Variants in GRIA2 observed in about 807,000 individuals in gnomAD.
GRIA2 encodes the protein glutamate ionotropic receptor AMPA type subunit 2.
GRIA2 carries 14 observed loss-of-function variants against 97.3 expected under a neutral mutation model. That is an observed-to-expected ratio of 0.14 (90% CI 0.10 to 0.23). The LOEUF (loss-of-function observed/expected upper bound fraction) is 0.23. Ranked by LOEUF, GRIA2 falls within the 10% of genes least tolerant of loss-of-function variation. The pLI, the probability that GRIA2 is intolerant of heterozygous loss-of-function variation, is 1.00. For missense variants in GRIA2, 558 were observed against 1,069.8 expected (o/e 0.52, Z 6.67); for synonymous variants, 412 against 387.8 (o/e 1.06, Z -0.73).
At chr4:157,281,535 T>C (rs1732594444) in intron 2 of GRIA2, among the ~76,000 whole-genome samples, 1 of 152,176 alleles carries the variant, frequency 6.6e-6, no homozygotes, top group South Asian at 2.1e-4. Context: ...CAAAGCCATA[T>C]CCAAAAGTTT....
Position 157,303,694 on chromosome 4 carries a change from T to C in GRIA2, c.372T>C (p.Phe124=). Residue 124 remains phenylalanine, a synonymous_variant, in exon 3 of 16, where the codon TTT becomes TTC. Transcript: ENST00000264426. The part of the protein sequence containing the change: ...PSFPTDGTHP[F]VIQMRPDLKG... ...TCCCAACAGATGGCACACATCCATT[T>C]GTCATTCAGATGAGACCCGACCTCA... The C allele has an allele frequency of 6.2e-7, 1 of 1,614,130 alleles. No homozygotes were observed. The highest frequency in any genetic ancestry group is 2.2e-5 in the East Asian group (1 of 44,872).
intron 2 of GRIA2, among the ~76,000 whole-genome samples, chr4:157,255,770 A>G (rs1731213688): frequency 6.6e-6 from 1 of 151,940 alleles, no homozygotes; most frequent in Non-Finnish European, 1.5e-5. Context: ...GACTCAAACA[A>G]CTCAACAACC....
chr4:157,327,380 A>G (rs1443528921), intron 6 of GRIA2, among the ~76,000 whole-genome samples: 1 of 152,152 alleles, frequency 6.6e-6, no homozygotes, highest in Non-Finnish European at 1.5e-5. Flanking sequence ...CCTGACAGAA[A>G]AGCAATGAGT....
intron 3 of GRIA2, among the ~76,000 whole-genome samples, chr4:157,308,550 T>G (rs761067019): frequency 6.6e-6 from 1 of 152,164 alleles, no homozygotes; most frequent in Non-Finnish European, 1.5e-5. Context: ...ACAGTTTTGT[T>G]TTAAGTAATT....
chr4:157,331,803 T>A (rs1245438296), intron 6 of GRIA2, among the ~76,000 whole-genome samples: 1 of 151,564 alleles, frequency 6.6e-6, no homozygotes, highest in South Asian at 2.1e-4. Context: ...AAGACAAAGA[T>A]GAAATTATCA....
At chr4:157,286,080 T>G (rs1025655273) in intron 2 of GRIA2, among the ~76,000 whole-genome samples, 4 of 151,638 alleles carry the variant, frequency 2.6e-5, no homozygotes, top group Non-Finnish European at 5.9e-5. Flanking sequence ...TGTATCAACC[T>G]TTGTAAAAAT....
intron 6 of GRIA2, among the ~76,000 whole-genome samples, chr4:157,327,665 T>A (rs1446465238): frequency 1.3e-5 from 2 of 152,120 alleles, no homozygotes; most frequent in African/African-American, 2.4e-5. Flanking sequence ...TGTTCAACTT[T>A]TGTGTCTTCA....
intron 12 of GRIA2, among the ~76,000 whole-genome samples, chr4:157,354,694 T>C (rs556164873): frequency 6.6e-6 from 1 of 152,252 alleles, no homozygotes; most frequent in Non-Finnish European, 1.5e-5. Context: ...AACTACCAGT[T>C]ATAGCAGCAA....
At chr4:157,294,118 T>A (rs1437544244) in intron 2 of GRIA2, among the ~76,000 whole-genome samples, 1 of 151,824 alleles carries the variant, frequency 6.6e-6, no homozygotes, top group Non-Finnish European at 1.5e-5. Context: ...CAGAACCTCT[T>A]TGAGTCATTC....
At chr4:157,336,820 C>T (rs1735307692) in intron 11 of GRIA2, 73 bp downstream of exon 11, 1 of 1,431,400 alleles carries the variant, frequency 7.0e-7, no homozygotes, top group Non-Finnish European at 9.5e-7. Context: ...TATGGATTCA[C>T]CCTAAAGAAG....
At chr4:157,316,860 C>T (rs1053520777) in intron 4 of GRIA2, among the ~76,000 whole-genome samples, 1 of 152,156 alleles carries the variant, frequency 6.6e-6, no homozygotes, top group African/African-American at 2.4e-5. Flanking sequence ...GTCCCTGTAC[C>T]AGGACTAAAG....
At chr4:157,335,002 C>A (rs541330776) in intron 9 of GRIA2, 2 of 152,294 alleles carry the variant, frequency 1.3e-5, no homozygotes, top group African/African-American at 4.8e-5. Context: ...TCCTCAGTGC[C>A]ACTTTCCAAT....
At chr4:157,256,237 T>TA (rs1244856257) in intron 2 of GRIA2, among the ~76,000 whole-genome samples, 1 of 92,876 alleles carries the variant, frequency 1.1e-5, no homozygotes, top group Non-Finnish European at 2.3e-5. Flanking sequence ...ATATATAATA[T>TA]ATATATATAA....
intron 2 of GRIA2, among the ~76,000 whole-genome samples, chr4:157,231,586 G>C (rs913872642): frequency 6.6e-6 from 1 of 152,072 alleles, no homozygotes; most frequent in Non-Finnish European, 1.5e-5. Context: ...TGACTGAAAA[G>C]GTTTGAAAAA....
intron 2 of GRIA2, among the ~76,000 whole-genome samples, chr4:157,226,569 T>C (rs1457656201): frequency 6.6e-6 from 1 of 152,162 alleles, no homozygotes; most frequent in Non-Finnish European, 1.5e-5. Flanking sequence ...TATTAAATTT[T>C]AGTCACAAAT....
intron 12 of GRIA2, among the ~76,000 whole-genome samples, chr4:157,355,859 G>A (rs1327743067): frequency 2.9e-5 from 2 of 68,060 alleles, no homozygotes; most frequent in Non-Finnish European, 2.7e-5. Flanking sequence ...TTATATATAT[G>A]TATATATTAA....
intron 2 of GRIA2, among the ~76,000 whole-genome samples, chr4:157,238,257 A>G (rs1253588622): frequency 6.6e-6 from 1 of 152,148 alleles, no homozygotes; most frequent in Non-Finnish European, 1.5e-5. Context: ...TGCATGTCAT[A>G]AACTGTGTAT....
intron 3 of GRIA2, among the ~76,000 whole-genome samples, chr4:157,307,915 G>A (rs1184413491): frequency 6.6e-6 from 1 of 152,152 alleles, no homozygotes; most frequent in Non-Finnish European, 1.5e-5. Flanking sequence ...GAGCTGATGA[G>A]GGAAATATAT....
intron 12 of GRIA2, among the ~76,000 whole-genome samples, chr4:157,351,104 C>G (rs1422574705): frequency 6.6e-6 from 1 of 151,900 alleles, no homozygotes; most frequent in Non-Finnish European, 1.5e-5. Flanking sequence ...AGTGGTATAA[C>G]AACAGCTTCT....
Sources: gnomAD v4.1 joint callset for allele counts (sites outside exome capture counted in the v4.1 genomes callset) on GRCh38, gnomAD v4.1.1 for gene constraint, MANE v1.5 for transcripts, NCBI Gene and HGNC (gene_info 2026-07-23, HGNC 2026-07-21) for gene names.